NAV2: variants seen among roughly 807,000 people sequenced by gnomAD.
NAV2 encodes neuron navigator 2, also known as helicase, APC down-regulated 1.
Under a neutral mutation model 223.2 loss-of-function variants are expected in NAV2, and 54 were observed. That is an observed-to-expected ratio of 0.24 (90% CI 0.19 to 0.30). The LOEUF is 0.30. Ranked by LOEUF, NAV2 falls within the 10% of genes least tolerant of loss-of-function variation. The probability of loss-of-function intolerance (pLI) is 1.00; values close to 1 mark genes in which losing one functional copy is unlikely to be tolerated. For missense variants in NAV2, 2,806 were observed against 3,147.5 expected (o/e 0.89, Z 2.60); for synonymous variants, 1,279 against 1,239.3 (o/e 1.03, Z -0.67).
chr11:19,558,648 T>C (rs1201452414), intron 1 of NAV2, among the ~76,000 whole-genome samples: 1 of 152,234 alleles, frequency 6.6e-6, no homozygotes, highest in Non-Finnish European at 1.5e-5. Flanking sequence ...ATGCAATTTA[T>C]AGAGCATTTT....
At chr11:19,484,350 C>T (rs960143954) in intron 1 of NAV2, among the ~76,000 whole-genome samples, 66 of 152,178 alleles carry the variant, frequency 4.3e-4, no homozygotes, top group African/African-American at 1.6e-3. Context: ...GAGGTCACCT[C>T]CTCCAAGGGA....
At chr11:19,597,652 C>T (rs1288799559) in intron 1 of NAV2, among the ~76,000 whole-genome samples, 1 of 152,204 alleles carries the variant, frequency 6.6e-6, no homozygotes, top group Non-Finnish European at 1.5e-5. Context: ...ACAGTAAGTC[C>T]CAATTAGTTG....
intron 1 of NAV2, among the ~76,000 whole-genome samples, chr11:19,656,291 G>C (rs747093345): frequency 6.6e-6 from 1 of 152,176 alleles, no homozygotes; most frequent in Non-Finnish European, 1.5e-5. Context: ...CCCTTGTCAC[G>C]GGGGCCTGTA....
intron 1 of NAV2, among the ~76,000 whole-genome samples, chr11:19,684,415 T>C (rs2048965292): frequency 6.6e-6 from 1 of 152,028 alleles, no homozygotes; most frequent in Non-Finnish European, 1.5e-5. Context: ...ACCCCAGTGA[T>C]GAAGGTGAAG....
At chr11:19,834,723 G>A (rs2060140199) in intron 2 of NAV2, among the ~76,000 whole-genome samples, 1 of 152,136 alleles carries the variant, frequency 6.6e-6, no homozygotes, top group Non-Finnish European at 1.5e-5. Flanking sequence ...TTTAGCACAG[G>A]CAGCAAGAGA....
intron 1 of NAV2, among the ~76,000 whole-genome samples, chr11:19,392,074 A>G (rs188160694): frequency 3.5e-4 from 54 of 152,344 alleles, no homozygotes; most frequent in African/African-American, 1.3e-3. Context: ...GGTTTCTAGG[A>G]ACCAAGGATT....
intron 1 of NAV2, among the ~76,000 whole-genome samples, chr11:19,646,088 A>G (rs1473482955): frequency 6.6e-6 from 1 of 152,192 alleles, no homozygotes; most frequent in African/African-American, 2.4e-5. Context: ...AGCTTTTCTT[A>G]GAACCTGCAC....
At chr11:19,940,386 A>G (rs916311732) in intron 8 of NAV2, among the ~76,000 whole-genome samples, 1 of 152,238 alleles carries the variant, frequency 6.6e-6, no homozygotes, top group African/African-American at 2.4e-5. Flanking sequence ...TGGACACTAT[A>G]CTATCGCATT....
intron 15 of NAV2, 82 bp downstream of exon 15, chr11:20,049,277 C>G: frequency 9.6e-7 from 1 of 1,043,714 alleles, no homozygotes; most frequent in Non-Finnish European, 1.4e-6. Flanking sequence ...TCCCAAATGT[C>G]GAATAGCCTT....
chr11:19,943,629 C>T (rs2153345520), intron 8 of NAV2, among the ~76,000 whole-genome samples: 1 of 152,248 alleles, frequency 6.6e-6, no homozygotes, highest in South Asian at 2.1e-4. Context: ...CTGTTAATGG[C>T]AATTGTTGGA....
rs138424286 is a variant in NAV2 at position 19,405,462 on chromosome 11, G to A, written c.75+54435G>A. Among the ~76,000 whole-genome samples the A allele has an allele frequency of 7.7e-4, 117 of 152,194 alleles. No individual in the cohort carries two copies. The East Asian group carries it at 0.014, about 18-fold the overall frequency. ...TTCTGTTCTCCACTGAGTTCTTTCC[G>A]CAGTCAGGGCTGTATTTATCTGAAT... On this transcript the variant is annotated intron_variant, in intron 1 of 37. Transcript: ENST00000360655.
intron 1 of NAV2, among the ~76,000 whole-genome samples, chr11:19,574,697 C>T (rs1015309038): frequency 1.3e-5 from 2 of 152,058 alleles, no homozygotes; most frequent in Admixed American, 6.5e-5. Flanking sequence ...TTCCTGCTAC[C>T]GTGGAGCATA....
chr11:19,417,754 T>C (rs1180834740), intron 1 of NAV2, among the ~76,000 whole-genome samples: 1 of 152,050 alleles, frequency 6.6e-6, no homozygotes, highest in Non-Finnish European at 1.5e-5. Context: ...ATATACACCA[T>C]GGAATACTGG....
chr11:20,103,770 G>T lies in NAV2; in HGVS notation c.6644+46G>T, dbSNP rs576465246. 1.3e-5 allele frequency: 20 copies of T among 1,568,556 alleles called. No individual in the cohort carries two copies. In the South Asian group the frequency reaches 2.0e-4, roughly 16 times the overall value. On this transcript the variant is annotated intron_variant, in intron 34 of 37. Coordinates refer to ENST00000349880, the MANE Select transcript of NAV2 (RefSeq NM_145117.5). ...TCCAGTTAAACAATGGAATCACAAA[G>T]AAGAAAAGCAAGAAGGGGCGGGTAG...
chr11:19,417,023 G>A (rs1209679540), intron 1 of NAV2, among the ~76,000 whole-genome samples: 1 of 152,202 alleles, frequency 6.6e-6, no homozygotes, highest in Non-Finnish European at 1.5e-5. Flanking sequence ...TACCATTCAG[G>A]ATGTAGGCGT....
Position 20,083,173 on chromosome 11 carries a change from A to C in NAV2, c.5492A>C (p.Asn1831Thr), listed in dbSNP as rs1230485075. The C allele has an allele frequency of 6.2e-7, 1 of 1,611,654 alleles. No individual in the cohort carries two copies. Among genetic ancestry groups the C allele is most frequent in the African/African-American group, 1.3e-5 (1 of 74,838 alleles). ...CCACTGCTGAGGAATTCTCACTCCA[A>C]CTCTCTGTAAGTCTGTCTGTCTAGT... ...STPLLRNSHSNSLISECMDSE... is the reference protein window; with the variant it reads ...STPLLRNSHSTSLISECMDSE... Residue 1831 changes from asparagine to threonine, a missense_variant, in exon 26 of 38, where the codon AAC becomes ACC. By Grantham distance (65) the Asn-to-Thr change is moderately conservative (BLOSUM62 0). Transcript: ENST00000349880.
At chr11:19,995,738 T>C (rs962028852) in intron 11 of NAV2, among the ~76,000 whole-genome samples, 9 of 152,236 alleles carry the variant, frequency 5.9e-5, no homozygotes, top group Non-Finnish European at 8.8e-5. Context: ...AATTGGAGCT[T>C]CACCAAAATT....
chr11:19,463,847 G>A (rs1180033064), intron 1 of NAV2, among the ~76,000 whole-genome samples: 1 of 152,058 alleles, frequency 6.6e-6, no homozygotes, highest in Non-Finnish European at 1.5e-5. Flanking sequence ...CTGACACAGT[G>A]GCAGTAGGGA....
At chr11:19,587,656 G>A (rs182508560) in intron 1 of NAV2, among the ~76,000 whole-genome samples, 158 of 152,046 alleles carry the variant, frequency 1.0e-3, no homozygotes, top group Non-Finnish European at 1.6e-3. Flanking sequence ...ATTTTCTTTG[G>A]GTACCCAATC....
Sources: gnomAD v4.1 joint callset for allele counts (sites outside exome capture counted in the v4.1 genomes callset) on GRCh38, gnomAD v4.1.1 for gene constraint, MANE v1.5 for transcripts, NCBI Gene and HGNC (gene_info 2026-07-23, HGNC 2026-07-21) for gene names.